The following UGT2B4 variants were observed in gnomAD, a reference collection of about 807,000 sequenced individuals.
UGT2B4 encodes UDP-glucuronosyltransferase 2B4.
In UGT2B4, 49 loss-of-function variants were observed where a neutral mutation model predicts 49.8. The observed-to-expected ratio is 0.98, with a 90% CI of 0.78 to 1.25. The LOEUF is 1.25. Among genes scored for constraint, UGT2B4 ranks in the 50% most tolerant of loss-of-function variants. The pLI, the probability that UGT2B4 is intolerant of heterozygous loss-of-function variation, is 0.00. For synonymous variants in UGT2B4, 246 were observed against 217.7 expected, an observed-to-expected ratio of 1.13 and a Z score of -1.14; for missense variants, 729 against 627.7, an observed-to-expected ratio of 1.16 and a Z score of -1.73.
intron 5 of UGT2B4, 112 bp downstream of exon 5, chr4:69,485,096 C>T: frequency 7.6e-7 from 1 of 1,313,928 alleles, no homozygotes. Context: ...TTGTTTAAAT[C>T]ACTTAAATTC....
At chr4:69,501,794 G>A (rs1387097989) in intron 1 of UGT2B4, among the ~76,000 whole-genome samples, 3 of 152,124 alleles carry the variant, frequency 2.0e-5, no homozygotes, top group South Asian at 2.1e-4. Context: ...GGTGACCAGG[G>A]GCTGATATGT....
In UGT2B4 at chr4:69,485,756, G is replaced by GT. The variant is rs1350114907; in HGVS notation, c.1091-330dup. On this transcript the variant is annotated intron_variant, in intron 4 of 5. Transcript: ENST00000305107. ...TGAAAGAATGTGTTCTTGTTTTTTT[G>GT]TTTTTTGTTTTTTGCTTTTAATGGA... Among the ~76,000 whole-genome samples the GT allele has an allele frequency of 3.9e-5, 6 of 152,138 alleles. 1 individual carries two copies. The highest frequency in any genetic ancestry group is 9.6e-5 in the African/African-American group (4 of 41,532).
In UGT2B4 at chr4:69,522,784, C is replaced by G. The variant is rs1205518424; in HGVS notation, c.-106+2903G>C. The stretch of plus-strand genomic sequence containing the variant: ...AGTTCTCTTTAGCATGCAATAGTGT[C>G]TGACAGCATTTTACCCATAGTAGAA... On this transcript the variant is annotated intron_variant, in intron 1 of 1. Transcript: ENST00000510114. Among the ~76,000 whole-genome samples the G allele has an allele frequency of 6.6e-5, 10 of 152,264 alleles. No homozygotes were observed. In the South Asian group the frequency reaches 1.9e-3, roughly 28 times the overall value.
chr4:69,493,624 A>G (rs1001096783), intron 2 of UGT2B4, 69 bp downstream of exon 2: 1 of 1,505,052 alleles, frequency 6.6e-7, no homozygotes, highest in African/African-American at 1.5e-5. Flanking sequence ...TAAGTCAAAC[A>G]CTTTGAATGA....
At chr4:69,508,169 G>A (rs540306335) in intron 1 of UGT2B4, among the ~76,000 whole-genome samples, 84 of 152,100 alleles carry the variant, frequency 5.5e-4, no homozygotes, top group Non-Finnish European at 9.7e-4. Flanking sequence ...CAGTTAGAAT[G>A]GCTATTATTA....
At chr4:69,493,629 G>A in intron 2 of UGT2B4, 64 bp downstream of exon 2, 14 of 1,514,652 alleles carry the variant, frequency 9.2e-6, no homozygotes, top group Non-Finnish European at 1.2e-5. Flanking sequence ...CAAACACTTT[G>A]AATGAATATA....
At chr4:69,522,869 T>C (rs561621552) in intron 1 of UGT2B4, among the ~76,000 whole-genome samples, 4 of 152,318 alleles carry the variant, frequency 2.6e-5, no homozygotes, top group African/African-American at 9.6e-5. Flanking sequence ...CAAGCATGTT[T>C]ATGTAACATT....
At chr4:69,502,344 G>A (rs1014874151) in intron 1 of UGT2B4, among the ~76,000 whole-genome samples, 1 of 151,702 alleles carries the variant, frequency 6.6e-6, no homozygotes, top group Non-Finnish European at 1.5e-5. Context: ...TATTAACACA[G>A]TCCTTCTGAC....
At chr4:69,501,528 AG>A (rs1728318859) in intron 1 of UGT2B4, among the ~76,000 whole-genome samples, 1 of 152,076 alleles carries the variant, frequency 6.6e-6, no homozygotes, top group African/African-American at 2.4e-5. Flanking sequence ...CTGGGGTGAA[AG>A]TGATAGCCCA....
upstream of UGT2B4, among the ~76,000 whole-genome samples, chr4:69,500,606 G>GAAAGA (rs1728282840): frequency 4.5e-4 from 45 of 99,512 alleles, 1 homozygote; most frequent in Non-Finnish European, 7.6e-4. Flanking sequence ...AGAAAGCAAG[G>GAAAGA]AAGAAAGAAA....
intron 1 of UGT2B4, among the ~76,000 whole-genome samples, chr4:69,523,444 A>G (rs1728890351): frequency 6.6e-6 from 1 of 152,132 alleles, no homozygotes; most frequent in African/African-American, 2.4e-5. Flanking sequence ...TTGCATTAGC[A>G]TGCGCCTTGT....
intron 1 of UGT2B4, among the ~76,000 whole-genome samples, chr4:69,516,511 T>C (rs1728737345): frequency 6.6e-6 from 1 of 152,240 alleles, no homozygotes; most frequent in Admixed American, 6.5e-5. Flanking sequence ...TTTGACTTTT[T>C]AATAATTGCC....
intron 1 of UGT2B4, among the ~76,000 whole-genome samples, chr4:69,503,433 T>C (rs1205991778): frequency 6.6e-6 from 1 of 152,176 alleles, no homozygotes; most frequent in Non-Finnish European, 1.5e-5. Context: ...ACTGTGCTGA[T>C]GCAAATCTGC....
At chr4:69,511,025 T>C (rs1455120327) in intron 1 of UGT2B4, among the ~76,000 whole-genome samples, 3 of 145,600 alleles carry the variant, frequency 2.1e-5, no homozygotes, top group Non-Finnish European at 4.5e-5. Context: ...TCTCGCTCTA[T>C]CATCCAGGCT....
intron 1 of UGT2B4, among the ~76,000 whole-genome samples, chr4:69,509,619 G>T (rs1173373884): frequency 6.6e-6 from 1 of 152,082 alleles, no homozygotes; most frequent in Non-Finnish European, 1.5e-5. Context: ...TCATACAGCT[G>T]ATTGGCCATG....
chr4:69,519,350 A>G (rs1173095898), intron 1 of UGT2B4, among the ~76,000 whole-genome samples: 1 of 152,176 alleles, frequency 6.6e-6, no homozygotes, highest in East Asian at 1.9e-4. Flanking sequence ...ACATGAACTG[A>G]TTATAGTAAA....
At chr4:69,519,686 G>C (rs1728804272) in intron 1 of UGT2B4, among the ~76,000 whole-genome samples, 1 of 152,166 alleles carries the variant, frequency 6.6e-6, no homozygotes, top group African/African-American at 2.4e-5. Context: ...GGTGCACCAA[G>C]ATCTTCACCC....
At chr4:69,481,192 C>T (rs767911646) in intron 5 of UGT2B4, among the ~76,000 whole-genome samples, 2 of 150,604 alleles carry the variant, frequency 1.3e-5, no homozygotes, top group South Asian at 4.2e-4. Flanking sequence ...TCGCTTGAAC[C>T]CAAGAGGCGG....
Position 69,480,338 on chromosome 4 carries a change from T to C in UGT2B4, c.*296A>G. Reference sequence around the variant, plus strand: ...TGACATGTAGTTAAGCTTAGTAAATTTTTTTTCATGTAACCTGTGAATTGG... The same window carrying C: ...TGACATGTAGTTAAGCTTAGTAAATCTTTTTTCATGTAACCTGTGAATTGG... On this transcript the variant is annotated 3_prime_UTR_variant, in exon 6 of 6. Coordinates refer to ENST00000305107, the MANE Select transcript of UGT2B4 (RefSeq NM_021139.3). 1 of 293,172 alleles carries C rather than the reference T, an allele frequency of 3.4e-6. No homozygotes were observed. 18.2% of individuals were successfully genotyped at this position (293,172 alleles called of 1,614,324 possible).
Sources: allele counts gnomAD v4.1 joint callset (sites outside exome capture counted in the v4.1 genomes callset), GRCh38; gene constraint gnomAD v4.1.1; transcripts MANE v1.5; gene names NCBI Gene and HGNC (gene_info 2026-07-23, HGNC 2026-07-21).